The following ZBTB16 variants were observed in gnomAD, a reference collection of about 807,000 sequenced individuals.
ZBTB16 encodes the protein zinc finger and BTB domain containing 16.
In ZBTB16, 8 loss-of-function variants were observed where a neutral mutation model predicts 56.8. That is an observed-to-expected ratio of 0.14 (90% CI 0.08 to 0.25). ZBTB16 has a LOEUF of 0.25. Among genes scored for constraint, ZBTB16 ranks in the 10% least tolerant of loss-of-function variants. The probability of loss-of-function intolerance (pLI) is 1.00; values close to 1 mark genes in which losing one functional copy is unlikely to be tolerated. For synonymous variants in ZBTB16, 363 were observed against 368.5 expected, an observed-to-expected ratio of 0.98 and a Z score of 0.17; for missense variants, 625 against 903.0, an observed-to-expected ratio of 0.69 and a Z score of 3.95.
At chr11:114,152,830 CT>C (rs1414901793) in intron 2 of ZBTB16, among the ~76,000 whole-genome samples, 1 of 152,156 alleles carries the variant, frequency 6.6e-6, no homozygotes, top group Non-Finnish European at 1.5e-5. Context: ...ACAGTGGAGG[CT>C]GATAATCTCA....
intron 2 of ZBTB16, among the ~76,000 whole-genome samples, chr11:114,120,686 G>A (rs958190544): frequency 6.6e-6 from 1 of 152,204 alleles, no homozygotes; most frequent in Non-Finnish European, 1.5e-5. Context: ...TTCGGATGCT[G>A]TATTTACTTA....
intron 2 of ZBTB16, among the ~76,000 whole-genome samples, chr11:114,140,238 GC>G (rs1941910528): frequency 6.6e-6 from 1 of 152,166 alleles, no homozygotes; most frequent in Non-Finnish European, 1.5e-5. Flanking sequence ...TATCTTCTAA[GC>G]CCAGGCATGA....
intron 4 of ZBTB16, among the ~76,000 whole-genome samples, chr11:114,222,117 T>C (rs1365782725): frequency 1.3e-5 from 2 of 152,180 alleles, no homozygotes; most frequent in African/African-American, 2.4e-5. Context: ...GGGTCTTTCA[T>C]GCTGATCCTT....
At chr11:114,102,268 G>A (rs553166396) in intron 2 of ZBTB16, among the ~76,000 whole-genome samples, 3 of 152,254 alleles carry the variant, frequency 2.0e-5, no homozygotes, top group South Asian at 4.1e-4. Context: ...CTTTCTTATC[G>A]TGGCTGTAAG....
At chr11:114,210,196 T>TGCGCGCGC in intron 4 of ZBTB16, among the ~76,000 whole-genome samples, 1 of 151,156 alleles carries the variant, frequency 6.6e-6, no homozygotes, top group Non-Finnish European at 1.5e-5. Flanking sequence ...TGTGTGTGCG[T>TGCGCGCGC]GCGCGCGCGT....
intron 4 of ZBTB16, chr11:114,187,637 C>T (rs1943393516): frequency 6.2e-6 from 1 of 162,156 alleles, no homozygotes; most frequent in Non-Finnish European, 1.4e-5. Context: ...TTAACACTCA[C>T]AGTGAGGCAG....
intron 4 of ZBTB16, among the ~76,000 whole-genome samples, chr11:114,233,111 ACACACACACACACACTCTCTCT>A (rs71063554): frequency 0.24 from 16,697 of 69,292 alleles, 1,779 homozygotes; most frequent in East Asian, 0.37. Context: ...ACACACACAC[ACACACACACACACACTCTCTCT>A]CTCTCACACT....
At chr11:114,205,853 A>G (rs1349841430) in intron 4 of ZBTB16, among the ~76,000 whole-genome samples, 3 of 152,298 alleles carry the variant, frequency 2.0e-5, no homozygotes, top group Admixed American at 2.0e-4. Flanking sequence ...CCCTAGAGTC[A>G]CTCTGACTGC....
intron 3 of ZBTB16, among the ~76,000 whole-genome samples, chr11:114,173,601 G>A (rs907502044): frequency 6.6e-6 from 1 of 152,230 alleles, no homozygotes; most frequent in Admixed American, 6.5e-5. Flanking sequence ...TTTACCTGCT[G>A]TTCTGGGAGA....
chr11:114,083,470 G>A (rs974728289), intron 2 of ZBTB16, among the ~76,000 whole-genome samples: 1 of 152,152 alleles, frequency 6.6e-6, no homozygotes, highest in Non-Finnish European at 1.5e-5. Flanking sequence ...TGGCTCCAGG[G>A]GGCCGTGGTA....
chr11:114,146,038 G>C (rs1469925211), intron 2 of ZBTB16, among the ~76,000 whole-genome samples: 1 of 152,140 alleles, frequency 6.6e-6, no homozygotes, highest in South Asian at 2.1e-4. Context: ...CTACCTAGAA[G>C]GGCTGTGGGT....
At chr11:114,078,518 C>T (rs1939648337) in intron 2 of ZBTB16, among the ~76,000 whole-genome samples, 1 of 152,208 alleles carries the variant, frequency 6.6e-6, no homozygotes, top group Non-Finnish European at 1.5e-5. Context: ...TTTAGACTGG[C>T]TGCTAAAGCT....
rs191420192 is a variant in ZBTB16 at position 114,138,106 on chromosome 11, G to A, written c.1269-18231G>A. 3.5e-3 allele frequency among the ~76,000 whole-genome samples: 526 copies of A among 152,318 alleles called. 3 individuals are homozygous for A. The highest frequency in any genetic ancestry group is 0.013 in the African/African-American group (521 of 41,572). On this transcript the variant is annotated intron_variant, in intron 2 of 6. Coordinates refer to ENST00000335953, the MANE Select transcript of ZBTB16 (RefSeq NM_006006.6). ...GGCCAGGCTCTGTTCCCAAGCTGGAGAGAGAGGCAAGTGGTGAGGGAGGGC... is the reference window on the plus strand; with the variant it reads ...GGCCAGGCTCTGTTCCCAAGCTGGAAAGAGAGGCAAGTGGTGAGGGAGGGC...
chr11:114,134,749 C>T (rs1175330392), intron 2 of ZBTB16, among the ~76,000 whole-genome samples: 1 of 152,156 alleles, frequency 6.6e-6, no homozygotes, highest in African/African-American at 2.4e-5. Flanking sequence ...AACTCACCCT[C>T]CTCATCTGTG....
intron 2 of ZBTB16, among the ~76,000 whole-genome samples, chr11:114,079,604 G>A (rs990934594): frequency 6.6e-6 from 1 of 152,226 alleles, no homozygotes; most frequent in Non-Finnish European, 1.5e-5. Flanking sequence ...TGAAGTGTGT[G>A]CCGCATTCTT....
chr11:114,121,967 A>G, intron 2 of ZBTB16: 1 of 369,144 alleles, frequency 2.7e-6, no homozygotes, highest in Non-Finnish European at 5.4e-6. Context: ...CCTGAGTCCC[A>G]AGTCCACAGA....
At chr11:114,137,228 A>C (rs1175735443) in intron 2 of ZBTB16, among the ~76,000 whole-genome samples, 1 of 152,180 alleles carries the variant, frequency 6.6e-6, no homozygotes, top group East Asian at 1.9e-4. Flanking sequence ...GAAGTCTGCT[A>C]TTCTCATCTC....
At chr11:114,177,248 G>A (rs768682922) in intron 3 of ZBTB16, among the ~76,000 whole-genome samples, 9 of 152,164 alleles carry the variant, frequency 5.9e-5, no homozygotes, top group Admixed American at 3.9e-4. Context: ...GTACCGTACC[G>A]GTAGAACCTT....
intron 2 of ZBTB16, among the ~76,000 whole-genome samples, chr11:114,090,089 T>A (rs1940128292): frequency 6.6e-6 from 1 of 152,208 alleles, no homozygotes; most frequent in Non-Finnish European, 1.5e-5. Flanking sequence ...GCAAGAAAAG[T>A]AGCATTATTG....
Sources: gnomAD v4.1 joint callset for allele counts (sites outside exome capture counted in the v4.1 genomes callset) on GRCh38, gnomAD v4.1.1 for gene constraint, MANE v1.5 for transcripts, NCBI Gene and HGNC (gene_info 2026-07-23, HGNC 2026-07-21) for gene names.